Variants in ACKR3 observed in about 807,000 individuals in gnomAD.
ACKR3 encodes atypical chemokine receptor 3.
Under a neutral mutation model 22.4 loss-of-function variants are expected in ACKR3, and 6 were observed. That is an observed-to-expected ratio of 0.27 (90% CI 0.15 to 0.53). The LOEUF (loss-of-function observed/expected upper bound fraction) is 0.53, where lower values mean the gene tolerates loss of function less well. Among genes scored for constraint, ACKR3 ranks in the 20% least tolerant of loss-of-function variants. The pLI is 0.96. For missense variants in ACKR3, 396 were observed against 475.2 expected, an observed-to-expected ratio of 0.83 and a Z score of 1.55; for synonymous variants, 209 against 205.2, an observed-to-expected ratio of 1.02 and a Z score of -0.16.
chr2:236,550,289 C>T, the ACKR3 span, among the ~76,000 whole-genome samples: 4 of 152,218 alleles, frequency 2.6e-5, no homozygotes, highest in Non-Finnish European at 5.9e-5. The surrounding 1 kb of genome is among the most constrained non-coding windows in gnomAD (Gnocchi z 4.6). Context: ...CTTTGCAAGA[C>T]GAGGTCCGCA....
intron 1 of ACKR3, among the ~76,000 whole-genome samples, chr2:236,571,336 G>A (rs959055789): frequency 6.6e-6 from 1 of 152,160 alleles, no homozygotes; most frequent in African/African-American, 2.4e-5. Flanking sequence ...CAGGAGATTG[G>A]GGGGAGGGGA....
chr2:236,576,871 T>C (rs1181562637), intron 1 of ACKR3, among the ~76,000 whole-genome samples: 1 of 152,238 alleles, frequency 6.6e-6, no homozygotes, highest in Non-Finnish European at 1.5e-5. Context: ...TAGTATGACA[T>C]TTTTGTTTTT....
intron 1 of ACKR3, among the ~76,000 whole-genome samples, chr2:236,573,283 C>T (rs188247999): frequency 2.6e-5 from 4 of 152,314 alleles, no homozygotes; most frequent in East Asian, 1.9e-4. Flanking sequence ...GCAGGCTCAG[C>T]GTAAGCGGGG....
upstream of ACKR3, among the ~76,000 whole-genome samples, chr2:236,563,358 T>C (rs1254179216): frequency 1.3e-5 from 2 of 152,350 alleles, no homozygotes; most frequent in African/African-American, 4.8e-5. Context: ...AATAGCAATG[T>C]TCTTGCCCTC....
the ACKR3 span, among the ~76,000 whole-genome samples, chr2:236,562,116 G>A: frequency 2.6e-5 from 4 of 152,186 alleles, no homozygotes; most frequent in Non-Finnish European, 4.4e-5. Flanking sequence ...TGAGGCCTAC[G>A]TCAAATTCAT....
Position 236,580,654 on chromosome 2 carries a change from C to T in ACKR3, c.189C>T (p.Ser63=), listed in dbSNP as rs35767135. The T allele has an allele frequency of 0.044, 71,605 of 1,613,978 alleles. 1,766 individuals carry two copies. Among genetic ancestry groups the T allele is most frequent in the South Asian group, 0.061 (5,586 of 91,054 alleles). The change falls in exon 2 of 2, where the codon TCC becomes TCT. Residue 63 remains serine (S), a synonymous_variant. Coordinates refer to ENST00000272928, the MANE Select transcript of ACKR3 (RefSeq NM_020311.3). ...TCGTCATCGGCATGATTGCCAACTC[C>T]GTGGTGGTCTGGGTGAATATCCAGG... ...FIFVIGMIAN[S]VVVWVNIQAK...
At chr2:236,568,579 C>A (rs1425442836), upstream of ACKR3, among the ~76,000 whole-genome samples, 1 of 152,230 alleles carries the variant, frequency 6.6e-6, no homozygotes, top group Non-Finnish European at 1.5e-5. Flanking sequence ...AGGGCGACCC[C>A]TCCGGAGGCC....
chr2:236,575,462 G>A (rs1344454634), intron 1 of ACKR3, among the ~76,000 whole-genome samples: 1 of 121,390 alleles, frequency 8.2e-6, no homozygotes, highest in Non-Finnish European at 1.7e-5. Context: ...TGTGTCTGGG[G>A]TTGTGCTGTG....
intron 1 of ACKR3, among the ~76,000 whole-genome samples, chr2:236,575,197 A>G (rs1024442382): frequency 2.8e-4 from 42 of 152,136 alleles, no homozygotes; most frequent in African/African-American, 9.7e-4. Flanking sequence ...CTTGATGTCA[A>G]ATTTCAAATA....
chr2:236,566,726 T>TCCCTTCCCTTCC (rs772819154), upstream of ACKR3, among the ~76,000 whole-genome samples: 1 of 142,368 alleles, frequency 7.0e-6, no homozygotes. Flanking sequence ...TTCCCTTCCT[T>TCCCTTCCCTTCC]CCTTCCTTCC....
chr2:236,578,046 A>AG lies in ACKR3; in HGVS notation c.-26-2392dup, dbSNP rs546880314. On this transcript the variant is annotated intron_variant, in intron 1 of 1. Transcript: ENST00000272928. ...GTTTCGTTTTAAGGAAATGGGAGAA[A>AG]GGAACAAGGATTGTTGCAGTAGAGC... Among the ~76,000 whole-genome samples, 49 of 152,362 alleles carry AG rather than the reference A, an allele frequency of 3.2e-4. No homozygotes were observed. The South Asian group carries it at 3.3e-3, about 10-fold the overall frequency.
chr2:236,551,165 CAGG>C, the ACKR3 span, among the ~76,000 whole-genome samples: 1 of 152,224 alleles, frequency 6.6e-6, no homozygotes, highest in Non-Finnish European at 1.5e-5. Flanking sequence ...CGGCGAGCAC[CAGG>C]AGAAGTGGAA....
chr2:236,581,234 T>C lies in ACKR3; in HGVS notation c.769T>C (p.Tyr257His), dbSNP rs1280352874. Residue 257 changes from tyrosine (Y) to histidine (H), a missense_variant, in exon 2 of 2, where the codon TAC becomes CAC. Transcript: ENST00000272928. This position sits in a 1 kb window ranked among gnomAD's most constrained non-coding sequence, Gnocchi z 4.4. ...CAGCAGCCGGAAGATCATCTTCTCCTACGTGGTGGTCTTCCTTGTCTGCTG... is the reference window on the plus strand; with the variant it reads ...CAGCAGCCGGAAGATCATCTTCTCCCACGTGGTGGTCTTCCTTGTCTGCTG... ...KHSSRKIIFS[Y>H]VVVFLVCWLP... is the part of the protein sequence containing the mutation. The C allele has an allele frequency of 6.2e-7, 1 of 1,614,082 alleles. No homozygotes were observed. The highest frequency in any genetic ancestry group is 8.5e-7 in the Non-Finnish European group (1 of 1,179,940).
At chr2:236,562,518 C>G in the ACKR3 span, among the ~76,000 whole-genome samples, 9,731 of 151,886 alleles carry the variant, frequency 0.064, 395 homozygotes, top group Non-Finnish European at 0.1. Context: ...TGGGCATGTA[C>G]CTTGCAGTGA....
chr2:236,568,026 C>A (rs1691224830), upstream of ACKR3, among the ~76,000 whole-genome samples: 1 of 152,134 alleles, frequency 6.6e-6, no homozygotes, highest in Non-Finnish European at 1.5e-5. Flanking sequence ...AAGGCGGCCT[C>A]GTGGATTCTG....
At chr2:236,567,802 A>G (rs1180186182), upstream of ACKR3, 1 of 152,448 alleles carries the variant, frequency 6.6e-6, no homozygotes, top group Non-Finnish European at 1.5e-5. Flanking sequence ...CCCCGGGGCC[A>G]GAATTCTCGC....
chr2:236,578,443 C>T (rs151002685), intron 1 of ACKR3, among the ~76,000 whole-genome samples: 198 of 152,322 alleles, frequency 1.3e-3, no homozygotes, highest in African/African-American at 4.5e-3. Flanking sequence ...ACTCTGAGGA[C>T]GGCCAGGCCT....
chr2:236,579,803 C>T (rs1273558466), intron 1 of ACKR3, among the ~76,000 whole-genome samples: 5 of 152,196 alleles, frequency 3.3e-5, no homozygotes, highest in African/African-American at 1.2e-4. Context: ...TGTGGGGCAC[C>T]CTGCGTAGGC....
At chr2:236,551,625 C>A in the ACKR3 span, among the ~76,000 whole-genome samples, 1 of 152,226 alleles carries the variant, frequency 6.6e-6, no homozygotes, top group Non-Finnish European at 1.5e-5. Context: ...ACTCCTTCCC[C>A]TTTCCCCCTC....
Sources: allele counts gnomAD v4.1 joint callset (sites outside exome capture counted in the v4.1 genomes callset), GRCh38; gene constraint gnomAD v4.1.1; non-coding constraint Gnocchi (gnomAD v3.1); transcripts MANE v1.5; gene names NCBI Gene and HGNC (gene_info 2026-07-23, HGNC 2026-07-21).